Variants in IRS2 observed in about 807,000 individuals in gnomAD.
The protein encoded by IRS2 is insulin receptor substrate 2.
A neutral mutation model predicts 70.9 loss-of-function variants in IRS2; 28 were observed. The observed-to-expected ratio is 0.39, with a 90% CI of 0.29 to 0.54. IRS2 has a LOEUF of 0.54. Ranked by LOEUF, IRS2 falls within the 20% of genes least tolerant of loss-of-function variation. The pLI is 0.59. For missense variants in IRS2, 2,081 were observed against 2,024.1 expected (o/e 1.03, Z -0.54); for synonymous variants, 1,217 against 981.9 (o/e 1.24, Z -4.48).
Position 109,784,865 on chromosome 13 carries a change from C to T in IRS2, c.1189G>A (p.Ala397Thr). Residue 397 changes from alanine to threonine, a missense_variant, in exon 1 of 2, where the codon GCG becomes ACG. By Grantham distance (58) the Ala-to-Thr change is moderately conservative. Around this residue, in one of 4 missense-constraint regions of IRS2, gnomAD observed 1,615 missense variants for 1,459.5 expected, o/e 1.11. Coordinates refer to ENST00000375856, the MANE Select transcript of IRS2 (RefSeq NM_003749.3). The surrounding 1 kb of genome is among the most constrained non-coding windows in gnomAD (Gnocchi z 5.2). ...AGGGTGTGCGAGCGGCTCAGGGGCGCGCGCACCGGCCCGGGGCTCAGGGGG... is the reference window on the plus strand; with the variant it reads ...AGGGTGTGCGAGCGGCTCAGGGGCGTGCGCACCGGCCCGGGGCTCAGGGGG... ...GSPLSPGPVR[A>T]PLSRSHTLSG... 3.5e-6 allele frequency: 4 copies of T among 1,139,612 alleles called. No homozygotes were observed. The highest frequency in any genetic ancestry group is 9.2e-5 in the Admixed American group (2 of 21,734). 70.6% of individuals were successfully genotyped at this position (1,139,612 alleles called of 1,614,324 possible). A position where few individuals can be genotyped will look rare whatever the true frequency, so the allele number is the denominator to read the frequency against.
rs1877728390 is a variant in IRS2, at chr13:109,782,284, T to A, written c.3770A>T (p.Asp1257Val). 1 of 1,610,102 alleles carries A rather than the reference T, an allele frequency of 6.2e-7. No individual in the cohort carries two copies. Among genetic ancestry groups the A allele is most frequent in the Non-Finnish European group, 8.5e-7 (1 of 1,179,012 alleles). ...TGGCAGCCCGGGCTCCTCCCTCACGTCGATGGCGATGTAGTTGAGACCATT... is the reference window on the plus strand; with the variant it reads ...TGGCAGCCCGGGCTCCTCCCTCACGACGATGGCGATGTAGTTGAGACCATT... ...FQNGLNYIAIDVREEPGLPPQ... is the reference protein window; with the variant it reads ...FQNGLNYIAIVVREEPGLPPQ... The change falls in exon 1 of 2, where the codon GAC becomes GTC. Residue 1257 changes from aspartate to valine, a missense_variant. Physicochemically the swap from Asp to Val is radical, Grantham distance 152. Coordinates refer to ENST00000375856, the MANE Select transcript of IRS2 (RefSeq NM_003749.3).
chr13:109,772,657 A>G (rs1410971697), intron 1 of IRS2, among the ~76,000 whole-genome samples: 1 of 151,226 alleles, frequency 6.6e-6, no homozygotes, highest in African/African-American at 2.4e-5. Flanking sequence ...CACTGCCCAC[A>G]AGAGTTCCAG....
intron 1 of IRS2, among the ~76,000 whole-genome samples, chr13:109,776,753 AATG>A (rs1281269914): frequency 1.3e-5 from 2 of 152,224 alleles, no homozygotes; most frequent in Admixed American, 6.5e-5. Context: ...CTCCATGCCA[AATG>A]ATGACTTTAC....
chr13:109,755,200 A>C lies in IRS2; in HGVS notation c.*1104T>G, dbSNP rs1594376838. The C allele has an allele frequency of 4.6e-6, 1 of 215,666 alleles. No homozygotes were observed. Among genetic ancestry groups the C allele is most frequent in the South Asian group, 2.0e-4 (1 of 5,002 alleles). 13.4% of individuals were successfully genotyped at this position (215,666 alleles called of 1,614,324 possible). A position where few individuals can be genotyped will look rare whatever the true frequency, so the allele number is the denominator to read the frequency against. On this transcript the variant is annotated 3_prime_UTR_variant, in exon 2 of 2. Transcript: ENST00000375856. Reference sequence around the variant, plus strand: ...AGGGGCTGGAATGCCTCTTTTTATCAGTTTCTTTCTTTCCTTTTTTTTTTT... The same window carrying C: ...AGGGGCTGGAATGCCTCTTTTTATCCGTTTCTTTCTTTCCTTTTTTTTTTT...
chr13:109,758,488 G>C (rs925406569), intron 1 of IRS2, among the ~76,000 whole-genome samples: 4 of 151,946 alleles, frequency 2.6e-5, no homozygotes, highest in Non-Finnish European at 5.9e-5. Context: ...GTAAATTATT[G>C]CTGAAAAAAA....
Position 109,784,782 on chromosome 13 carries a change from C to T in IRS2, c.1272G>A (p.Ala424=), listed in dbSNP as rs2138936766. Residue 424 remains alanine, a synonymous_variant, in exon 1 of 2, where the codon GCG becomes GCA. Transcript: ENST00000375856. This position sits in a 1 kb window ranked among gnomAD's most constrained non-coding sequence, Gnocchi z 5.2. ...TGGACATGGAGCGGCTGTGTTGCAG[C>T]GCGCCCCCTGCCGGCAGCAGCGCCA... The part of the protein sequence containing the change: ...SKVALLPAGG[A]LQHSRSMSMP... The T allele has an allele frequency of 8.0e-7, 1 of 1,256,960 alleles. No homozygotes were observed. The highest frequency in any genetic ancestry group is 1.0e-6 in the Non-Finnish European group (1 of 1,000,274). 77.9% of individuals were successfully genotyped at this position (1,256,960 alleles called of 1,614,324 possible). A position where few individuals can be genotyped will look rare whatever the true frequency, so the allele number is the denominator to read the frequency against.
intron 1 of IRS2, among the ~76,000 whole-genome samples, chr13:109,771,082 G>A (rs1877442514): frequency 6.6e-6 from 1 of 152,188 alleles, no homozygotes; most frequent in South Asian, 2.1e-4. Flanking sequence ...ACCAAGGTGT[G>A]TCCTTTCTAC....
intron 1 of IRS2, among the ~76,000 whole-genome samples, chr13:109,780,531 A>G (rs886108923): frequency 6.6e-6 from 1 of 152,190 alleles, no homozygotes; most frequent in African/African-American, 2.4e-5. Context: ...GCTTTTCTCT[A>G]TTACACTAGA....
intron 1 of IRS2, among the ~76,000 whole-genome samples, chr13:109,781,660 C>A (rs1352205737): frequency 6.6e-6 from 1 of 152,068 alleles, no homozygotes; most frequent in African/African-American, 2.4e-5. Flanking sequence ...CGAGGTCCTT[C>A]CAGAAGGACG....
At chr13:109,772,952 C>G (rs905513767) in intron 1 of IRS2, among the ~76,000 whole-genome samples, 7 of 152,098 alleles carry the variant, frequency 4.6e-5, no homozygotes, top group Non-Finnish European at 1.0e-4. Context: ...GCCTCGGCCT[C>G]CCAAAGTGCT....
At chr13:109,775,578 A>T (rs1250062566) in intron 1 of IRS2, among the ~76,000 whole-genome samples, 1 of 152,174 alleles carries the variant, frequency 6.6e-6, no homozygotes, top group Non-Finnish European at 1.5e-5. Flanking sequence ...ACCACACCGT[A>T]ATAACTGACT....
At chr13:109,765,294 A>T (rs958067534) in intron 1 of IRS2, among the ~76,000 whole-genome samples, 7 of 152,210 alleles carry the variant, frequency 4.6e-5, no homozygotes, top group African/African-American at 1.7e-4. Context: ...CCAACTATAT[A>T]AAGTTCATTT....
Position 109,784,636 on chromosome 13 carries a change from A to G in IRS2, c.1418T>C (p.Leu473Pro), listed in dbSNP as rs1877854913. 2 of 1,304,540 alleles carry G rather than the reference A, an allele frequency of 1.5e-6. No homozygotes were observed. The allele number at this position is 1,304,540 out of a possible 1,614,324, so 80.8% of individuals were successfully genotyped here. ...GGGCCGCTGGCCGGGGCCGTGGTGC[A>G]GCGGATGCGGCAGAGGCGGGTGCGG... Reference protein sequence around the residue: ...PGPHPPLPHPLHHGPGQRPSS... With the variant: ...PGPHPPLPHPPHHGPGQRPSS... The change falls in exon 1 of 2, where the codon CTG (leucine) becomes CCG (proline). Residue 473 changes from leucine to proline, a missense_variant. Leu to Pro is a moderately conservative substitution (Grantham distance 98). Around this residue, in one of 4 missense-constraint regions of IRS2, gnomAD observed 1,615 missense variants for 1,459.5 expected, o/e 1.11. Transcript: ENST00000375856. The surrounding 1 kb of genome is among the most constrained non-coding windows in gnomAD (Gnocchi z 5.2).
Position 109,782,368 on chromosome 13 carries a change from A to G in IRS2, c.3686T>C (p.Val1229Ala). 1 of 1,611,408 alleles carries G rather than the reference A, an allele frequency of 6.2e-7. No individual in the cohort carries two copies. Among genetic ancestry groups the G allele is most frequent in the Non-Finnish European group, 8.5e-7 (1 of 1,179,302 alleles). ...CGATCCACCGCTCCCAGGACAACCG[A>G]CCAAGCCCCCGGGCTGACCCGGGGT... ...PWTPGQPGGL[V>A]GCPGSGGSPM... Residue 1229 changes from valine to alanine, a missense_variant, in exon 1 of 2, where the codon GTC becomes GCC. Coordinates refer to ENST00000375856, the MANE Select transcript of IRS2 (RefSeq NM_003749.3).
intron 1 of IRS2, among the ~76,000 whole-genome samples, chr13:109,778,765 C>T (rs1480374787): frequency 6.6e-6 from 1 of 152,172 alleles, no homozygotes; most frequent in African/African-American, 2.4e-5. Context: ...CTGATCTAAT[C>T]TGTCTTATAC....
rs1002089942 is a variant in IRS2, at chr13:109,784,202, C to T, written c.1852G>A (p.Ala618Thr). 4 of 1,571,236 alleles carry T rather than the reference C, an allele frequency of 2.5e-6. No homozygotes were observed. Among genetic ancestry groups the T allele is most frequent in the South Asian group, 1.1e-5 (1 of 87,340 alleles). The change falls in exon 1 of 2, where the codon GCG (alanine) becomes ACG (threonine). Residue 618 changes from alanine to threonine, a missense_variant. Physicochemically the swap from Ala to Thr is moderately conservative, Grantham distance 58. This residue lies in a region of IRS2 where 1,615 missense variants were observed against 1,459.5 expected (regional missense o/e 1.11). Coordinates refer to ENST00000375856, the MANE Select transcript of IRS2 (RefSeq NM_003749.3). This position sits in a 1 kb window ranked among gnomAD's most constrained non-coding sequence, Gnocchi z 5.2. ...TGGTAGGCCACCTTGGGAGAGGACG[C>T]GGGGCAGGACGGGCAGAGGCGGCCC... ...SAGRLCPSCP[A>T]SSPKVAYHPY...
chr13:109,764,776 C>T (rs1386742923), intron 1 of IRS2, among the ~76,000 whole-genome samples: 8 of 152,194 alleles, frequency 5.3e-5, no homozygotes, highest in Admixed American at 2.6e-4. Flanking sequence ...AATGATACCA[C>T]GAACAACCAC....
In IRS2 at chr13:109,785,758, A is replaced by G. The variant is rs2138939138; in HGVS notation, c.296T>C (p.Leu99Pro). ...GGCGTCGGCGCGCTTGTTGATGTTC[A>G]GGCAGCAGTCGAGAGCGATCACCCG... ...PKRVIALDCC[L>P]NINKRADAKH... Residue 99 changes from leucine (L) to proline (P), a missense_variant, in exon 1 of 2, where the codon CTG becomes CCG. Physicochemically the swap from Leu to Pro is moderately conservative, Grantham distance 98. Transcript: ENST00000375856. This position sits in a 1 kb window ranked among gnomAD's most constrained non-coding sequence, Gnocchi z 9.3. 6.3e-7 allele frequency: 1 copy of G among 1,594,996 alleles called. No homozygotes were observed. The highest frequency in any genetic ancestry group is 8.5e-7 in the Non-Finnish European group (1 of 1,177,496).
chr13:109,774,646 C>T (rs1451519862), intron 1 of IRS2, among the ~76,000 whole-genome samples: 1 of 152,016 alleles, frequency 6.6e-6, no homozygotes, highest in Non-Finnish European at 1.5e-5. Context: ...GAGGTTGAAC[C>T]CGACACTCCT....
Sources: gnomAD v4.1 joint callset for allele counts (sites outside exome capture counted in the v4.1 genomes callset) on GRCh38, gnomAD v4.1.1 for gene constraint, gnomAD v4.1.1 regional missense constraint, Gnocchi (gnomAD v3.1) non-coding constraint, MANE v1.5 for transcripts, NCBI Gene and HGNC (gene_info 2026-07-23, HGNC 2026-07-21) for gene names.